The following GRID1 variants were observed in gnomAD, a reference collection of about 807,000 sequenced individuals.
GRID1 encodes the protein glutamate receptor ionotropic, delta-1.
GRID1 carries 28 observed loss-of-function variants against 98.0 expected under a neutral mutation model. The ratio of observed to expected loss-of-function variants is 0.29; its 90% CI spans 0.21 to 0.39. GRID1 has a LOEUF of 0.39. Ranked by LOEUF, GRID1 falls within the 10% of genes least tolerant of loss-of-function variation. The pLI is 1.00. For missense variants in GRID1, 1,111 were observed against 1,340.5 expected (o/e 0.83, Z 2.67); for synonymous variants, 553 against 538.5 (o/e 1.03, Z -0.37).
At chr10:86,076,946 G>A (rs1341031233) in intron 4 of GRID1, among the ~76,000 whole-genome samples, 2 of 138,936 alleles carry the variant, frequency 1.4e-5, no homozygotes, top group Non-Finnish European at 3.1e-5. Flanking sequence ...TTGGATTAGG[G>A]CTTACTCTAA....
intron 4 of GRID1, among the ~76,000 whole-genome samples, chr10:86,067,454 C>CAG (rs1843737486): frequency 6.6e-6 from 1 of 152,186 alleles, no homozygotes; most frequent in Non-Finnish European, 1.5e-5. Context: ...CCCAAAAAGC[C>CAG]AGAGAATCTA....
intron 3 of GRID1, among the ~76,000 whole-genome samples, chr10:86,180,703 C>T (rs1246531623): frequency 2.6e-5 from 4 of 152,160 alleles, no homozygotes; most frequent in Non-Finnish European, 5.9e-5. Flanking sequence ...AGGAACAAGG[C>T]GCTGCCTGCA....
intron 8 of GRID1, among the ~76,000 whole-genome samples, chr10:85,825,404 T>G (rs1247723141): frequency 6.6e-6 from 1 of 152,174 alleles, no homozygotes; most frequent in Admixed American, 6.5e-5. Flanking sequence ...TCTTGCTGAT[T>G]TATTTGAGCT....
At chr10:85,909,534 G>T (rs1841508112) in intron 5 of GRID1, among the ~76,000 whole-genome samples, 1 of 152,176 alleles carries the variant, frequency 6.6e-6, no homozygotes, top group Non-Finnish European at 1.5e-5. Flanking sequence ...TCATATTGTG[G>T]TATATCCATG....
intron 4 of GRID1, among the ~76,000 whole-genome samples, chr10:86,132,589 C>T (rs1844854434): frequency 6.6e-6 from 1 of 152,148 alleles, no homozygotes; most frequent in Non-Finnish European, 1.5e-5. Context: ...ACTTAAATGG[C>T]ACAGAATTAT....
intron 12 of GRID1, among the ~76,000 whole-genome samples, chr10:85,718,806 C>T (rs759988722): frequency 9.2e-5 from 14 of 152,162 alleles, no homozygotes; most frequent in South Asian, 8.3e-4. Flanking sequence ...ATTTTCCCCA[C>T]GGTCTTGGGG....
chr10:86,139,794 AG>A lies in GRID1; in HGVS notation c.521-771del, dbSNP rs138742619. ...AGAGGTCTGTCGGCACAAACCACCCAGGGATGGACGATTCAACAAGAAGGGA... is the reference window on the plus strand; with the variant it reads ...AGAGGTCTGTCGGCACAAACCACCCAGGATGGACGATTCAACAAGAAGGGA... On this transcript the variant is annotated intron_variant, in intron 3 of 15. Transcript: ENST00000327946. 4.6e-3 allele frequency among the ~76,000 whole-genome samples: 699 copies of A among 152,314 alleles called. 21 individuals carry two copies. The East Asian group carries it at 0.081, about 18-fold the overall frequency.
chr10:86,155,613 A>C (rs771901376), intron 3 of GRID1, among the ~76,000 whole-genome samples: 1 of 152,252 alleles, frequency 6.6e-6, no homozygotes, highest in Non-Finnish European at 1.5e-5. Context: ...TCTGTGGGTT[A>C]GCACAGGTTC....
At chr10:85,684,736 G>A (rs980691394) in intron 12 of GRID1, among the ~76,000 whole-genome samples, 4 of 152,196 alleles carry the variant, frequency 2.6e-5, no homozygotes, top group African/African-American at 9.7e-5. Flanking sequence ...CATAGACTGG[G>A]TGGCTTAAAT....
At chr10:85,832,476 C>A (rs1278905385) in intron 8 of GRID1, among the ~76,000 whole-genome samples, 2 of 152,100 alleles carry the variant, frequency 1.3e-5, no homozygotes, top group Admixed American at 1.3e-4. Context: ...TAAATTATTA[C>A]TAAGCATAAT....
At chr10:86,053,087 T>C (rs1219054348) in intron 4 of GRID1, among the ~76,000 whole-genome samples, 2 of 152,212 alleles carry the variant, frequency 1.3e-5, no homozygotes, top group African/African-American at 4.8e-5. Context: ...GCATATTTAG[T>C]GATACAAAAA....
intron 4 of GRID1, among the ~76,000 whole-genome samples, chr10:86,028,309 CT>C (rs543680149): frequency 2.2e-4 from 34 of 152,300 alleles, no homozygotes; most frequent in Admixed American, 1.4e-3. Context: ...AACTCTACCC[CT>C]TTCATTCTGG....
At chr10:86,241,851 C>G (rs1846641641) in intron 2 of GRID1, among the ~76,000 whole-genome samples, 1 of 152,174 alleles carries the variant, frequency 6.6e-6, no homozygotes, top group Admixed American at 6.5e-5. Context: ...CCTGACCCAG[C>G]CTGGTCAGAG....
intron 8 of GRID1, among the ~76,000 whole-genome samples, chr10:85,802,532 A>G (rs77975998): frequency 4.7e-4 from 71 of 152,184 alleles, no homozygotes; most frequent in African/African-American, 1.7e-3. Context: ...GTAACCTTTT[A>G]AAAATGAAAT....
chr10:86,105,243 G>T (rs1362565558), intron 4 of GRID1, among the ~76,000 whole-genome samples: 1 of 152,190 alleles, frequency 6.6e-6, no homozygotes. Flanking sequence ...GATAGCTTCA[G>T]TCTGCCCAAG....
chr10:85,739,918 G>A (rs1173532098), intron 8 of GRID1, among the ~76,000 whole-genome samples: 2 of 152,146 alleles, frequency 1.3e-5, no homozygotes, highest in Non-Finnish European at 2.9e-5. Flanking sequence ...CTGGCATTGG[G>A]TAGAGCAATG....
At position 86,206,345 on chromosome 10, in the gene GRID1, C is replaced by T. The variant is rs1342172689; in HGVS notation, c.520+19G>A. The T allele has an allele frequency of 7.6e-6, 12 of 1,572,928 alleles. No homozygotes were observed. The highest frequency in any genetic ancestry group is 1.7e-5 in the Admixed American group (1 of 58,496). On this transcript the variant is annotated intron_variant, in intron 3 of 15. Transcript: ENST00000327946. This position sits in a 1 kb window ranked among gnomAD's most constrained non-coding sequence, Gnocchi z 4.1. The stretch of plus-strand genomic sequence containing the variant: ...TCCCTGTCCCCAAGCAGCCCCAGCT[C>T]GCCTGCCGGACAACTCACCATACTC...
chr10:86,361,778 T>C (rs1484634331), intron 2 of GRID1, among the ~76,000 whole-genome samples: 1 of 152,238 alleles, frequency 6.6e-6, no homozygotes, highest in African/African-American at 2.4e-5. Flanking sequence ...TCAGCACATC[T>C]ACAACAGTAG....
intron 2 of GRID1, among the ~76,000 whole-genome samples, chr10:86,244,774 G>C (rs962289437): frequency 6.6e-6 from 1 of 152,364 alleles, no homozygotes; most frequent in South Asian, 2.1e-4. Context: ...CCATTTCTGA[G>C]AGCCTAAGCT....
Sources: allele counts gnomAD v4.1 joint callset (sites outside exome capture counted in the v4.1 genomes callset), GRCh38; gene constraint gnomAD v4.1.1; non-coding constraint Gnocchi (gnomAD v3.1); transcripts MANE v1.5; gene names NCBI Gene and HGNC (gene_info 2026-07-23, HGNC 2026-07-21).